Variants in TNRC6A observed in about 807,000 individuals in gnomAD.
The protein encoded by TNRC6A is trinucleotide repeat containing adaptor 6A.
In TNRC6A, 44 loss-of-function variants were observed where a neutral mutation model predicts 221.2. That is an observed-to-expected ratio of 0.20 (90% confidence interval 0.16 to 0.26). The LOEUF (loss-of-function observed/expected upper bound fraction) is 0.26. Ranked by LOEUF, TNRC6A falls within the 10% of genes least tolerant of loss-of-function variation. The pLI is 1.00. For missense variants in TNRC6A, 2,199 were observed against 2,404.4 expected, an observed-to-expected ratio of 0.91 and a Z score of 1.79; for synonymous variants, 847 against 838.5, an observed-to-expected ratio of 1.01 and a Z score of -0.18.
intron 2 of TNRC6A, among the ~76,000 whole-genome samples, chr16:24,698,343 C>A (rs1205217232): frequency 1.3e-5 from 2 of 152,044 alleles, no homozygotes; most frequent in East Asian, 3.9e-4. Context: ...GCTGCCTGAA[C>A]CCCCCAAGAT....
intron 2 of TNRC6A, among the ~76,000 whole-genome samples, chr16:24,690,654 C>A (rs1030647892): frequency 6.6e-6 from 1 of 152,100 alleles, no homozygotes; most frequent in African/African-American, 2.4e-5. Context: ...GAACCCAAAT[C>A]TATTCAACAA....
chr16:24,749,072 C>T, intron 2 of TNRC6A, among the ~76,000 whole-genome samples: 1 of 152,114 alleles, frequency 6.6e-6, no homozygotes, highest in Non-Finnish European at 1.5e-5. Flanking sequence ...TGGAAAGCTT[C>T]CTCAGGGCAG....
intron 21 of TNRC6A, among the ~76,000 whole-genome samples, 170 bp from the exon 22 acceptor site, chr16:24,819,969 C>T (rs527286549): frequency 6.6e-6 from 1 of 152,284 alleles, no homozygotes; most frequent in African/African-American, 2.4e-5. Context: ...GGATGGAAAG[C>T]AGTTTCCTTT....
At chr16:24,752,788 C>CATCT (rs967241506) in intron 3 of TNRC6A, among the ~76,000 whole-genome samples, 12 of 152,258 alleles carry the variant, frequency 7.9e-5, no homozygotes, top group African/African-American at 2.9e-4. Flanking sequence ...GTTTGGCAAG[C>CATCT]ATCTGAGTGT....
intron 5 of TNRC6A, among the ~76,000 whole-genome samples, chr16:24,789,003 T>C (rs903465782): frequency 2.0e-5 from 3 of 152,194 alleles, no homozygotes; most frequent in Admixed American, 1.3e-4. Context: ...CAAGTATTTA[T>C]CAAGGGGCTG....
rs184539256 is a variant in TNRC6A at position 24,647,034 on chromosome 16, C to T, written n.402+6025C>T. On this transcript the variant is annotated intron_variant and non_coding_transcript_variant, in intron 2 of 2. Coordinates refer to the TNRC6A transcript ENST00000566108. ...GTTTTGACCTCCTGGGCTCAGTGAT[C>T]CTCCCACCTCAGCCTCCTCCCCAGT... Among the ~76,000 whole-genome samples, 292 of 151,668 alleles carry T rather than the reference C, an allele frequency of 1.9e-3. 1 individual carries two copies. The highest frequency in any genetic ancestry group is 5.9e-3 in the African/African-American group (244 of 41,292).
At chr16:24,722,076 T>C (rs960671415) in intron 2 of TNRC6A, among the ~76,000 whole-genome samples, 6 of 152,106 alleles carry the variant, frequency 3.9e-5, no homozygotes, top group African/African-American at 1.4e-4. Context: ...TATATAGTGA[T>C]TGTGGTAGTC....
At chr16:24,779,845 G>C (rs1347223390) in intron 5 of TNRC6A, among the ~76,000 whole-genome samples, 1 of 152,092 alleles carries the variant, frequency 6.6e-6, no homozygotes, top group Non-Finnish European at 1.5e-5. Flanking sequence ...ATTCGTATTT[G>C]GCTTTTTTAC....
intron 2 of TNRC6A, among the ~76,000 whole-genome samples, chr16:24,736,809 GA>G (rs2056779419): frequency 6.6e-6 from 1 of 152,132 alleles, no homozygotes; most frequent in Admixed American, 6.5e-5. Flanking sequence ...GGTTTAAACC[GA>G]GATGTAATTT....
At chr16:24,726,288 G>C (rs1014889443), upstream of TNRC6A, among the ~76,000 whole-genome samples, 1 of 149,780 alleles carries the variant, frequency 6.7e-6, no homozygotes, top group Non-Finnish European at 1.5e-5. Flanking sequence ...ACAGAAGTCT[G>C]GAACAAAGCC....
chr16:24,613,115 C>CAAAA (rs553122873), intron 1 of TNRC6A, among the ~76,000 whole-genome samples: 1 of 55,692 alleles, frequency 1.8e-5, no homozygotes, highest in African/African-American at 6.0e-5. Flanking sequence ...GACTCTGTCT[C>CAAAA]AAAAAAAAAA....
chr16:24,720,015 G>T (rs1443162395), intron 2 of TNRC6A, among the ~76,000 whole-genome samples: 1 of 152,098 alleles, frequency 6.6e-6, no homozygotes, highest in Non-Finnish European at 1.5e-5. Flanking sequence ...ATTGAGAGGG[G>T]AAAGATGAGG....
intron 2 of TNRC6A, among the ~76,000 whole-genome samples, chr16:24,683,003 C>T (rs1045355302): frequency 6.6e-6 from 1 of 152,216 alleles, no homozygotes; most frequent in African/African-American, 2.4e-5. Context: ...GATTCATTAA[C>T]TTGTCCAAGG....
chr16:24,762,388 C>T (rs149011579), intron 4 of TNRC6A, among the ~76,000 whole-genome samples: 2 of 152,274 alleles, frequency 1.3e-5, no homozygotes, highest in East Asian at 3.9e-4. Flanking sequence ...ACTTAGAGCA[C>T]CTTCTATGTG....
intron 2 of TNRC6A, among the ~76,000 whole-genome samples, chr16:24,699,945 A>C (rs2055937043): frequency 7.1e-6 from 1 of 140,700 alleles, no homozygotes; most frequent in Non-Finnish European, 1.6e-5. Flanking sequence ...AATAAGTAGC[A>C]GAGACAGGCT....
At chr16:24,611,961 G>A (rs1900075431) in intron 1 of TNRC6A, among the ~76,000 whole-genome samples, 2 of 152,060 alleles carry the variant, frequency 1.3e-5, no homozygotes, top group Non-Finnish European at 2.9e-5. Flanking sequence ...AAGCATCGTG[G>A]TGCACATCTG....
intron 1 of TNRC6A, among the ~76,000 whole-genome samples, chr16:24,625,308 A>C (rs1359033860): frequency 6.6e-6 from 1 of 152,166 alleles, no homozygotes; most frequent in East Asian, 1.9e-4. Flanking sequence ...TCAATTATTG[A>C]GCATATTTTA....
chr16:24,742,042 C>T (rs2056903351), intron 2 of TNRC6A, among the ~76,000 whole-genome samples: 1 of 152,084 alleles, frequency 6.6e-6, no homozygotes, highest in Non-Finnish European at 1.5e-5. Flanking sequence ...TGCTGTGTTG[C>T]CCAGGTTTGT....
chr16:24,690,949 T>G (rs987521256), intron 2 of TNRC6A, among the ~76,000 whole-genome samples: 4 of 151,806 alleles, frequency 2.6e-5, no homozygotes, highest in Non-Finnish European at 5.9e-5. Flanking sequence ...CTGGGACTAC[T>G]GGCGCCCGCC....
Sources: allele counts gnomAD v4.1 joint callset (sites outside exome capture counted in the v4.1 genomes callset), GRCh38; gene constraint gnomAD v4.1.1; transcripts MANE v1.5; gene names NCBI Gene and HGNC (gene_info 2026-07-23, HGNC 2026-07-21).